KLHL29: variants seen among roughly 807,000 people sequenced by gnomAD.
KLHL29 encodes kelch like family member 29, also known as kelch-like protein 29.
KLHL29 carries 21 observed loss-of-function variants against 80.4 expected under a neutral mutation model. The observed-to-expected ratio is 0.26, with a 90% CI of 0.19 to 0.38. The LOEUF (loss-of-function observed/expected upper bound fraction) is 0.38. Among genes scored for constraint, KLHL29 ranks in the 10% least tolerant of loss-of-function variants. The probability of loss-of-function intolerance (pLI) is 1.00; values close to 1 mark genes in which losing one functional copy is unlikely to be tolerated. For synonymous variants in KLHL29, 511 were observed against 526.8 expected (o/e 0.97, Z 0.41); for missense variants, 867 against 1,223.9 (o/e 0.71, Z 4.35).
chr2:23,442,146 C>A (rs1383582540), intron 1 of KLHL29, among the ~76,000 whole-genome samples: 1 of 152,044 alleles, frequency 6.6e-6, no homozygotes, highest in Non-Finnish European at 1.5e-5. Context: ...TGCAGTGACA[C>A]AAAAACGGCT....
intron 3 of KLHL29, among the ~76,000 whole-genome samples, chr2:23,580,921 T>C (rs1438886205): frequency 6.6e-6 from 1 of 151,784 alleles, no homozygotes; most frequent in Admixed American, 6.6e-5. Context: ...GAGGTTGCAG[T>C]GAGCCGAGAT....
At chr2:23,497,798 G>T (rs1572357830) in intron 2 of KLHL29, among the ~76,000 whole-genome samples, 1 of 152,298 alleles carries the variant, frequency 6.6e-6, no homozygotes, top group South Asian at 2.1e-4. Context: ...GTGAGCTGGA[G>T]GTGTCGAGTG....
chr2:23,641,120 C>A (rs1157531902), intron 4 of KLHL29, among the ~76,000 whole-genome samples: 1 of 152,174 alleles, frequency 6.6e-6, no homozygotes, highest in African/African-American at 2.4e-5. Flanking sequence ...GACCCAGGCT[C>A]ATTTAGTCAG....
intron 11 of KLHL29, among the ~76,000 whole-genome samples, chr2:23,698,205 G>T (rs938061054): frequency 6.6e-6 from 1 of 152,150 alleles, no homozygotes; most frequent in African/African-American, 2.4e-5. Context: ...AGACCACCCC[G>T]GGAACCCCAA....
At chr2:23,390,678 G>C (rs1666297437) in intron 1 of KLHL29, among the ~76,000 whole-genome samples, 1 of 126,138 alleles carries the variant, frequency 7.9e-6, no homozygotes, top group Admixed American at 8.9e-5. Context: ...TTGAGAAGGA[G>C]TTTCACTCTG....
At position 23,564,307 on chromosome 2, in the gene KLHL29, G is replaced by A. The variant is rs1470285600; in HGVS notation, c.285+1826G>A. Among the ~76,000 whole-genome samples the A allele has an allele frequency of 2.6e-5, 4 of 152,194 alleles. No homozygotes were observed. The East Asian group carries it at 7.7e-4, about 29-fold the overall frequency. On this transcript the variant is annotated intron_variant, in intron 3 of 13. Transcript: ENST00000486442. ...TTGACTGGCCTGATCCCAAACCACAGCCACATGAGAGGAAGGGAACCCAGT... is the reference window on the plus strand; with the variant it reads ...TTGACTGGCCTGATCCCAAACCACAACCACATGAGAGGAAGGGAACCCAGT...
At chr2:23,593,452 C>G (rs1668317848) in intron 3 of KLHL29, among the ~76,000 whole-genome samples, 1 of 152,188 alleles carries the variant, frequency 6.6e-6, no homozygotes, top group South Asian at 2.1e-4. Context: ...AGCCCGGTCT[C>G]CAGGCCTATG....
chr2:23,570,114 G>A (rs1342174996), intron 3 of KLHL29, among the ~76,000 whole-genome samples: 1 of 152,138 alleles, frequency 6.6e-6, no homozygotes, highest in Non-Finnish European at 1.5e-5. Flanking sequence ...GAACCCGTAG[G>A]CAAGAAACCT....
At chr2:23,440,036 T>C (rs1405571149) in intron 1 of KLHL29, among the ~76,000 whole-genome samples, 3 of 151,540 alleles carry the variant, frequency 2.0e-5, no homozygotes, top group African/African-American at 7.3e-5. Context: ...TAGCTTTTCT[T>C]GTTGAATTGA....
At chr2:23,630,065 C>T (rs571222499) in intron 3 of KLHL29, among the ~76,000 whole-genome samples, 29 of 152,276 alleles carry the variant, frequency 1.9e-4, no homozygotes, top group Middle Eastern at 3.4e-3. Flanking sequence ...AGAAAGAGGA[C>T]GTGAAATGCT....
chr2:23,493,709 C>T (rs1363239216), intron 2 of KLHL29, among the ~76,000 whole-genome samples: 1 of 151,872 alleles, frequency 6.6e-6, no homozygotes, highest in East Asian at 1.9e-4. Flanking sequence ...GCGTGTGTGT[C>T]TGTGTCTGTG....
At chr2:23,585,224 C>T (rs1558397951) in intron 3 of KLHL29, among the ~76,000 whole-genome samples, 1 of 152,194 alleles carries the variant, frequency 6.6e-6, no homozygotes, top group Non-Finnish European at 1.5e-5. Context: ...AGTACTCCCA[C>T]GTGCTCGGCA....
chr2:23,497,036 A>T (rs1323233599), intron 2 of KLHL29, among the ~76,000 whole-genome samples: 2 of 151,636 alleles, frequency 1.3e-5, no homozygotes, highest in East Asian at 3.9e-4. Context: ...ACCATATAAG[A>T]ATCACGAGTT....
intron 2 of KLHL29, chr2:23,524,401 G>T (rs1666224497): frequency 1.8e-5 from 3 of 164,286 alleles, no homozygotes; most frequent in Admixed American, 1.2e-4. Flanking sequence ...CTCCCGGGAG[G>T]CGTCGGCAGG....
intron 3 of KLHL29, among the ~76,000 whole-genome samples, chr2:23,587,108 C>T (rs955136220): frequency 8.5e-5 from 13 of 152,138 alleles, no homozygotes; most frequent in African/African-American, 3.1e-4. Context: ...TTTAATTAGA[C>T]GCCCTGTTAA....
At chr2:23,438,425 C>T (rs1411769281) in intron 1 of KLHL29, among the ~76,000 whole-genome samples, 1 of 126,180 alleles carries the variant, frequency 7.9e-6, no homozygotes, top group Non-Finnish European at 1.6e-5. Flanking sequence ...TTTGCCCATT[C>T]GGTATGATAT....
chr2:23,583,964 A>G (rs994987106), intron 3 of KLHL29, among the ~76,000 whole-genome samples: 2 of 152,176 alleles, frequency 1.3e-5, no homozygotes, highest in Non-Finnish European at 2.9e-5. Flanking sequence ...CCCGTTAAAG[A>G]CTGTGCTTTG....
chr2:23,644,940 C>G (rs1279789123), intron 5 of KLHL29, among the ~76,000 whole-genome samples: 1 of 152,228 alleles, frequency 6.6e-6, no homozygotes, highest in East Asian at 1.9e-4. Context: ...ACTGACCGGT[C>G]CATCACCCTG....
chr2:23,574,715 C>T (rs1465770601), intron 3 of KLHL29, among the ~76,000 whole-genome samples: 2 of 151,932 alleles, frequency 1.3e-5, no homozygotes, highest in East Asian at 3.9e-4. Context: ...GCATATTTTA[C>T]CACAGTGGAA....
Sources: gnomAD v4.1 joint callset for allele counts (sites outside exome capture counted in the v4.1 genomes callset) on GRCh38, gnomAD v4.1.1 for gene constraint, MANE v1.5 for transcripts, NCBI Gene and HGNC (gene_info 2026-07-23, HGNC 2026-07-21) for gene names.